The following ALX4 variants were observed in gnomAD, a reference collection of about 807,000 sequenced individuals.
The protein encoded by ALX4 is homeobox protein aristaless-like 4.
ALX4 carries 22 observed loss-of-function variants against 40.6 expected under a neutral mutation model. The observed-to-expected ratio is 0.54, with a 90% CI of 0.39 to 0.77. ALX4 has a LOEUF of 0.77. Ranked by LOEUF, ALX4 falls within the 30% of genes least tolerant of loss-of-function variation. The probability of loss-of-function intolerance (pLI) is 0.00; values close to 1 mark genes in which losing one functional copy is unlikely to be tolerated. For synonymous variants in ALX4, 266 were observed against 240.5 expected (o/e 1.11, Z -0.98); for missense variants, 556 against 564.8 (o/e 0.98, Z 0.16).
chr11:44,305,325 A>G (rs1028004585), intron 1 of ALX4, among the ~76,000 whole-genome samples: 1 of 152,214 alleles, frequency 6.6e-6, no homozygotes, highest in Admixed American at 6.5e-5. Context: ...CTATTTAACA[A>G]CTTTTGTGTT....
At chr11:44,268,583 G>T (rs1303827953) in intron 2 of ALX4, among the ~76,000 whole-genome samples, 1 of 152,176 alleles carries the variant, frequency 6.6e-6, no homozygotes, top group Non-Finnish European at 1.5e-5. Context: ...TGGTGACGGG[G>T]AGTATTGGGT....
intron 1 of ALX4, among the ~76,000 whole-genome samples, chr11:44,277,993 A>G (rs1254758659): frequency 6.6e-6 from 1 of 151,700 alleles, no homozygotes; most frequent in African/African-American, 2.4e-5. Context: ...TGGCAGACAA[A>G]TACATTTTAT....
chr11:44,286,998 C>G (rs973464535), intron 1 of ALX4, among the ~76,000 whole-genome samples: 1 of 152,242 alleles, frequency 6.6e-6, no homozygotes, highest in African/African-American at 2.4e-5. Context: ...CTTGCAAAAG[C>G]CTTTGCCTTG....
chr11:44,309,755 G>C lies in ALX4; in HGVS notation c.308C>G (p.Pro103Arg). The C allele has an allele frequency of 1.3e-6, 2 of 1,546,894 alleles. No homozygotes were observed. The highest frequency in any genetic ancestry group is 1.2e-5 in the South Asian group (1 of 84,414). ...QPSTPQPQPP[P>R]QPQPQQQQPQ... ...CTGCTGCTGCTGCGGCTGCGGCTGC[G>C]GCGGCGGCTGGGGCTGCGGGGTCGA... Residue 103 changes from proline (P) to arginine (R), a missense_variant, in exon 1 of 4, where the codon CCG becomes CGG. By Grantham distance (103) the Pro-to-Arg change is moderately radical. Coordinates refer to ENST00000652299, the MANE Select transcript of ALX4 (RefSeq NM_021926.4).
chr11:44,299,841 T>C (rs1956425306), intron 1 of ALX4, among the ~76,000 whole-genome samples: 1 of 152,194 alleles, frequency 6.6e-6, no homozygotes, highest in Non-Finnish European at 1.5e-5. Flanking sequence ...GAGTTACTTA[T>C]CTTCCATGAA....
intron 1 of ALX4, among the ~76,000 whole-genome samples, chr11:44,280,378 C>T (rs1357973174): frequency 6.6e-6 from 1 of 152,238 alleles, no homozygotes; most frequent in Admixed American, 6.5e-5. Context: ...AGGGAGCTCT[C>T]AGTTTGCCTG....
chr11:44,296,597 A>C (rs933076815), intron 1 of ALX4, among the ~76,000 whole-genome samples: 1 of 152,260 alleles, frequency 6.6e-6, no homozygotes, highest in African/African-American at 2.4e-5. Flanking sequence ...CTATGACTGA[A>C]GAACAAGGAA....
At chr11:44,270,450 C>T (rs945295372) in intron 2 of ALX4, among the ~76,000 whole-genome samples, 1 of 152,122 alleles carries the variant, frequency 6.6e-6, no homozygotes, top group Non-Finnish European at 1.5e-5. Flanking sequence ...TCTGGCTTTT[C>T]TGCCCAGATC....
At chr11:44,302,828 T>A (rs2119895849) in intron 1 of ALX4, among the ~76,000 whole-genome samples, 1 of 152,164 alleles carries the variant, frequency 6.6e-6, no homozygotes. Flanking sequence ...CCCCAGTTTC[T>A]CCTGGACAAA....
chr11:44,272,748 G>A lies in ALX4; in HGVS notation c.777+2600C>T, dbSNP rs959499167. Among the ~76,000 whole-genome samples the A allele has an allele frequency of 9.9e-5, 15 of 152,108 alleles. No individual in the cohort carries two copies. In the East Asian group the frequency reaches 1.5e-3, roughly 16 times the overall value. ...CGCTTGAACCCAGGAGGTGGAGGCC[G>A]CAGTGAGCCAAGATCACACCACTGC... On this transcript the variant is annotated intron_variant, in intron 2 of 3. Transcript: ENST00000652299.
At chr11:44,307,950 G>C (rs567059085) in intron 1 of ALX4, among the ~76,000 whole-genome samples, 4 of 152,160 alleles carry the variant, frequency 2.6e-5, no homozygotes, top group East Asian at 3.9e-4. Context: ...GTGTGGAACT[G>C]TGTGTGCCTG....
intron 3 of ALX4, among the ~76,000 whole-genome samples, chr11:44,266,328 C>T (rs1956213739): frequency 6.6e-6 from 1 of 152,156 alleles, no homozygotes; most frequent in Non-Finnish European, 1.5e-5. Flanking sequence ...GCTAGAGTTC[C>T]ATCCTGGGAG....
chr11:44,280,911 G>A (rs1306818825), intron 1 of ALX4, among the ~76,000 whole-genome samples: 1 of 152,246 alleles, frequency 6.6e-6, no homozygotes, highest in Non-Finnish European at 1.5e-5. Flanking sequence ...ACCACTGGGA[G>A]CTGTCGTTTC....
At chr11:44,292,737 C>T (rs1051301672) in intron 1 of ALX4, among the ~76,000 whole-genome samples, 1 of 152,080 alleles carries the variant, frequency 6.6e-6, no homozygotes, top group Non-Finnish European at 1.5e-5. Context: ...TTGCCTATCA[C>T]ATATAGTAAG....
chr11:44,305,566 C>CA (rs1317348986), intron 1 of ALX4, among the ~76,000 whole-genome samples: 3 of 152,232 alleles, frequency 2.0e-5, no homozygotes, highest in African/African-American at 7.2e-5. Context: ...GTATACAAAA[C>CA]ACACCCCAGT....
intron 1 of ALX4, among the ~76,000 whole-genome samples, chr11:44,309,222 G>T (rs1357131755): frequency 1.4e-5 from 2 of 146,232 alleles, no homozygotes; most frequent in South Asian, 4.7e-4. Context: ...CCGCAGCCCC[G>T]CAGCCCAGCG....
At chr11:44,304,255 G>C (rs891317803) in intron 1 of ALX4, among the ~76,000 whole-genome samples, 3 of 152,262 alleles carry the variant, frequency 2.0e-5, no homozygotes, top group Admixed American at 1.3e-4. Context: ...ACATGGCCAG[G>C]TGGCGCCTGG....
chr11:44,274,386 T>C (rs1019804418), intron 2 of ALX4, among the ~76,000 whole-genome samples: 4 of 151,834 alleles, frequency 2.6e-5, no homozygotes, highest in African/African-American at 7.3e-5. Flanking sequence ...TTGAGTTCCA[T>C]TGTGTTGTGT....
At chr11:44,275,197 G>T in intron 2 of ALX4, 151 bp downstream of exon 2, 1 of 776,876 alleles carries the variant, frequency 1.3e-6, no homozygotes, top group Non-Finnish European at 2.2e-6. Context: ...ATGAGGGGCA[G>T]GCTAGGAGCC....
Sources: gnomAD v4.1 joint callset for allele counts (sites outside exome capture counted in the v4.1 genomes callset) on GRCh38, gnomAD v4.1.1 for gene constraint, MANE v1.5 for transcripts, NCBI Gene and HGNC (gene_info 2026-07-23, HGNC 2026-07-21) for gene names.